The following KCNN2 variants were observed in gnomAD, a reference collection of about 807,000 sequenced individuals.
KCNN2 encodes the protein potassium calcium-activated channel subfamily N member 2, also known as small conductance calcium-activated potassium channel protein 2.
Under a neutral mutation model 55.5 loss-of-function variants are expected in KCNN2, and 24 were observed. The ratio of observed to expected loss-of-function variants is 0.43; its 90% CI spans 0.31 to 0.61. The LOEUF (loss-of-function observed/expected upper bound fraction) is 0.61. Ranked by LOEUF, KCNN2 falls within the 20% of genes least tolerant of loss-of-function variation. The pLI is 0.08. For missense variants in KCNN2, 754 were observed against 853.6 expected, an observed-to-expected ratio of 0.88 and a Z score of 1.45; for synonymous variants, 431 against 336.1, an observed-to-expected ratio of 1.28 and a Z score of -3.09.
intron 2 of KCNN2, among the ~76,000 whole-genome samples, chr5:114,342,835 G>T (rs1035250779): frequency 6.6e-6 from 1 of 152,094 alleles, no homozygotes; most frequent in African/African-American, 2.4e-5. Context: ...ATGACCACTT[G>T]CCCTGATGTG....
At chr5:114,283,869 T>C (rs943531477) in intron 2 of KCNN2, among the ~76,000 whole-genome samples, 7 of 152,162 alleles carry the variant, frequency 4.6e-5, no homozygotes, top group Non-Finnish European at 8.8e-5. Context: ...CATTAGAGTA[T>C]ACATTACCTT....
At chr5:114,405,096 T>G (rs1758890517) in intron 3 of KCNN2, among the ~76,000 whole-genome samples, 1 of 152,202 alleles carries the variant, frequency 6.6e-6, no homozygotes, top group Non-Finnish European at 1.5e-5. Context: ...GGGCTGCCTT[T>G]ATAATTTTGT....
intron 1 of KCNN2, among the ~76,000 whole-genome samples, chr5:114,164,681 C>G (rs1752870673): frequency 6.6e-6 from 1 of 152,080 alleles, no homozygotes; most frequent in Admixed American, 6.6e-5. Flanking sequence ...AATTGAGTAC[C>G]TGAGATTGCA....
At chr5:114,374,210 C>G (rs528871917) in intron 2 of KCNN2, among the ~76,000 whole-genome samples, 1 of 152,222 alleles carries the variant, frequency 6.6e-6, no homozygotes, top group African/African-American at 2.4e-5. Context: ...ACTGCCTCTC[C>G]TCACCACTAA....
intron 4 of KCNN2, among the ~76,000 whole-genome samples, chr5:114,471,254 T>TATAAAATAGTGTATTA (rs2150122864): frequency 6.6e-6 from 1 of 152,292 alleles, no homozygotes; most frequent in East Asian, 1.9e-4. Context: ...TCAAGTCCTT[T>TATAAAATAGTGTATTA]ATAAAATAGT....
intron 1 of KCNN2, among the ~76,000 whole-genome samples, chr5:114,190,804 G>T (rs77377759): frequency 0.018 from 2,687 of 152,208 alleles, 73 homozygotes; most frequent in African/African-American, 0.061. Flanking sequence ...CATTTGTACC[G>T]AAGACCAAGA....
chr5:114,081,812 C>T (rs1750826225), intron 1 of KCNN2, among the ~76,000 whole-genome samples: 1 of 152,046 alleles, frequency 6.6e-6, no homozygotes, highest in Admixed American at 6.6e-5. Flanking sequence ...AAGACAGCAT[C>T]AATGGAGTAA....
At chr5:114,200,411 C>A (rs1753650580) in intron 1 of KCNN2, among the ~76,000 whole-genome samples, 3 of 151,392 alleles carry the variant, frequency 2.0e-5, no homozygotes, top group African/African-American at 7.3e-5. Flanking sequence ...TCATTCGCAT[C>A]CTGGATTGAT....
In KCNN2 at chr5:114,209,119, C is replaced by G. The variant is rs1259491616; in HGVS notation, c.-270-12361C>G. Among the ~76,000 whole-genome samples, 4 of 151,476 alleles carry G rather than the reference C, an allele frequency of 2.6e-5. No homozygotes were observed. In the East Asian group the frequency reaches 7.8e-4, roughly 30 times the overall value. ...TTGCCCAGGCTGGAGTGCAGTGGCA[C>G]AATCCTGGCTCACTGCAGCCTCACA... On this transcript the variant is annotated intron_variant, in intron 1 of 10. Coordinates refer to the KCNN2 transcript ENST00000512097.
chr5:114,494,240 C>A (rs1038496183), intron 7 of KCNN2, among the ~76,000 whole-genome samples: 1 of 129,120 alleles, frequency 7.7e-6, no homozygotes, highest in Admixed American at 9.2e-5. Context: ...AGGCAACTCT[C>A]AGTTGCATCT....
At chr5:114,087,199 T>A (rs751825675) in intron 1 of KCNN2, among the ~76,000 whole-genome samples, 4 of 152,130 alleles carry the variant, frequency 2.6e-5, no homozygotes, top group Non-Finnish European at 5.9e-5. Flanking sequence ...GCATAGCTCA[T>A]GACTATTTTC....
intron 1 of KCNN2, among the ~76,000 whole-genome samples, chr5:114,162,308 A>AGAACAGCGGATATCGGT (rs1173519234): frequency 6.6e-6 from 1 of 152,184 alleles, no homozygotes; most frequent in Non-Finnish European, 1.5e-5. Context: ...TGGTGGCTGC[A>AGAACAGCGGATATCGGT]GAACAGCGGA....
At chr5:114,192,025 A>G (rs1753460626) in intron 1 of KCNN2, among the ~76,000 whole-genome samples, 1 of 152,188 alleles carries the variant, frequency 6.6e-6, no homozygotes, top group African/African-American at 2.4e-5. Flanking sequence ...TGACCAGCAT[A>G]GAGGCTCATG....
At chr5:114,056,494 G>C (rs1010767314) in exon 1 of KCNN2, 1 of 398,530 alleles carries the variant, frequency 2.5e-6, no homozygotes, top group Non-Finnish European at 4.4e-6. Context: ...CCTGGTTGCA[G>C]AACGAGGTAA....
intron 2 of KCNN2, among the ~76,000 whole-genome samples, chr5:114,267,926 T>A (rs1755242899): frequency 6.6e-6 from 1 of 152,194 alleles, no homozygotes; most frequent in African/African-American, 2.4e-5. Context: ...CTCTCTCCCC[T>A]CAGATGCTTT....
At chr5:114,221,248 G>A (rs1456659850) in intron 1 of KCNN2, among the ~76,000 whole-genome samples, 1 of 152,156 alleles carries the variant, frequency 6.6e-6, no homozygotes, top group African/African-American at 2.4e-5. Context: ...TAGGCCCTAG[G>A]TGCAAAGTGA....
intron 1 of KCNN2, among the ~76,000 whole-genome samples, chr5:114,197,640 A>G (rs1380836249): frequency 1.3e-5 from 2 of 152,104 alleles, no homozygotes; most frequent in Non-Finnish European, 2.9e-5. Context: ...TTTTGGTCTC[A>G]CCTGCCTGGA....
At chr5:114,482,100 C>T (rs572533636) in intron 5 of KCNN2, among the ~76,000 whole-genome samples, 1 of 152,224 alleles carries the variant, frequency 6.6e-6, no homozygotes, top group South Asian at 2.1e-4. Context: ...AGACAACCTA[C>T]AGAATGAGAG....
chr5:114,362,613 C>A lies in KCNN2; in HGVS notation c.474C>A (p.His158Gln). ...AQQSASASQY[H>Q]QCHSLQPAAS... ...AGTCGGCGTCCGCCTCCCAGTACCA[C>A]CAGTGCCACAGCCTGCAGCCCGCCG... The change falls in exon 1 of 8, where the codon CAC becomes CAA. Residue 158 changes from histidine (H) to glutamine (Q), a missense_variant. His to Gln is a conservative substitution (Grantham distance 24, BLOSUM62 0). Transcript: ENST00000673685. 1 of 938,408 alleles carries A rather than the reference C, an allele frequency of 1.1e-6. No homozygotes were observed. 58.1% of individuals were successfully genotyped at this position (938,408 alleles called of 1,614,324 possible).
Sources: allele counts gnomAD v4.1 joint callset (sites outside exome capture counted in the v4.1 genomes callset), GRCh38; gene constraint gnomAD v4.1.1; transcripts MANE v1.5; gene names NCBI Gene and HGNC (gene_info 2026-07-23, HGNC 2026-07-21).